Variants in MEGF9 observed in about 807,000 individuals in gnomAD.
MEGF9 encodes the protein multiple EGF like domains 9, also known as multiple epidermal growth factor-like domains protein 9.
In MEGF9, 6 loss-of-function variants were observed where a neutral mutation model predicts 46.8. That is an observed-to-expected ratio of 0.13 (90% CI 0.07 to 0.25). The LOEUF (loss-of-function observed/expected upper bound fraction) is 0.25. Ranked by LOEUF, MEGF9 falls within the 10% of genes least tolerant of loss-of-function variation. The probability of loss-of-function intolerance (pLI) is 1.00; values close to 1 mark genes in which losing one functional copy is unlikely to be tolerated. For missense variants in MEGF9, 683 were observed against 792.4 expected, an observed-to-expected ratio of 0.86 and a Z score of 1.66; for synonymous variants, 302 against 330.7, an observed-to-expected ratio of 0.91 and a Z score of 0.94.
intron 2 of MEGF9, among the ~76,000 whole-genome samples, chr9:120,634,693 C>A (rs943378281): frequency 6.6e-6 from 1 of 152,010 alleles, no homozygotes; most frequent in Admixed American, 6.6e-5. Context: ...CAGTCCATAT[C>A]TTTTAAGTGG....
At chr9:120,700,146 T>G (rs1249836446) in intron 1 of MEGF9, among the ~76,000 whole-genome samples, 3 of 152,234 alleles carry the variant, frequency 2.0e-5, no homozygotes, top group Admixed American at 6.5e-5. Flanking sequence ...CTTTGGTGAC[T>G]GGAAGTTTCA....
chr9:120,622,037 A>G (rs915815396), intron 3 of MEGF9, among the ~76,000 whole-genome samples: 1 of 152,190 alleles, frequency 6.6e-6, no homozygotes, highest in African/African-American at 2.4e-5. Flanking sequence ...TGAATGTCAT[A>G]GCAGGCCCTC....
At chr9:120,674,343 C>T (rs145252237) in intron 1 of MEGF9, among the ~76,000 whole-genome samples, 1 of 152,006 alleles carries the variant, frequency 6.6e-6, no homozygotes, top group Non-Finnish European at 1.5e-5. Context: ...AGAAACTTTA[C>T]CAAAGAAGAT....
intron 1 of MEGF9, among the ~76,000 whole-genome samples, chr9:120,712,651 C>A (rs1479335446): frequency 6.6e-6 from 1 of 152,138 alleles, no homozygotes. Flanking sequence ...AGGTTCATAA[C>A]CATGTGGGAA....
chr9:120,688,876 C>G (rs2132337037), intron 1 of MEGF9, among the ~76,000 whole-genome samples: 1 of 152,222 alleles, frequency 6.6e-6, no homozygotes, highest in Non-Finnish European at 1.5e-5. Context: ...GAAAAATATG[C>G]AGAGCACAAA....
intron 1 of MEGF9, among the ~76,000 whole-genome samples, chr9:120,676,827 G>C (rs1406190794): frequency 6.6e-6 from 1 of 152,046 alleles, no homozygotes; most frequent in Admixed American, 6.6e-5. Flanking sequence ...CATTTTACTT[G>C]CATGAATACT....
intron 2 of MEGF9, among the ~76,000 whole-genome samples, chr9:120,628,495 T>TTTAA: frequency 7.0e-6 from 1 of 142,756 alleles, no homozygotes; most frequent in South Asian, 2.2e-4. Flanking sequence ...TTTTTTTTTT[T>TTTAA]CAGAGACAGA....
intron 1 of MEGF9, among the ~76,000 whole-genome samples, chr9:120,681,832 G>A (rs78938853): frequency 1.7e-3 from 265 of 152,308 alleles, no homozygotes; most frequent in African/African-American, 6.0e-3. Flanking sequence ...AACTGAATTT[G>A]AATAACTTGA....
chr9:120,644,988 C>A (rs2043619367), intron 2 of MEGF9, among the ~76,000 whole-genome samples: 2 of 152,104 alleles, frequency 1.3e-5, no homozygotes, highest in East Asian at 3.8e-4. Context: ...AATTGCTTTG[C>A]CATTTGGGTA....
intron 3 of MEGF9, among the ~76,000 whole-genome samples, chr9:120,619,576 T>C (rs2043489239): frequency 6.6e-6 from 1 of 152,222 alleles, no homozygotes; most frequent in Non-Finnish European, 1.5e-5. Context: ...TCTGTGTTTT[T>C]AATAATATAC....
At chr9:120,647,128 C>T (rs770692073) in intron 2 of MEGF9, among the ~76,000 whole-genome samples, 6 of 151,106 alleles carry the variant, frequency 4.0e-5, no homozygotes, top group Non-Finnish European at 8.8e-5. Flanking sequence ...CAAAGGTCAC[C>T]GAGACCTGGA....
chr9:120,682,153 A>G (rs987056411), intron 1 of MEGF9, among the ~76,000 whole-genome samples: 9 of 152,216 alleles, frequency 5.9e-5, no homozygotes, highest in African/African-American at 2.2e-4. Flanking sequence ...AGATTGCAAA[A>G]ATTAAAAACT....
At chr9:120,616,896 T>A (rs1162407253) in intron 3 of MEGF9, among the ~76,000 whole-genome samples, 3 of 152,188 alleles carry the variant, frequency 2.0e-5, no homozygotes, top group Non-Finnish European at 4.4e-5. Context: ...ACATAATGTT[T>A]TCTCTTTATG....
At chr9:120,682,890 T>C (rs1187852655) in intron 1 of MEGF9, among the ~76,000 whole-genome samples, 2 of 152,150 alleles carry the variant, frequency 1.3e-5, no homozygotes, top group Non-Finnish European at 2.9e-5. Flanking sequence ...CCCTTACACA[T>C]AGTATTAAAT....
Position 120,681,104 on chromosome 9 carries a change from C to A in MEGF9, c.602-21529G>T, listed in dbSNP as rs1587993862. 1.3e-5 allele frequency among the ~76,000 whole-genome samples: 2 copies of A among 152,144 alleles called. 1 individual carries two copies. Among genetic ancestry groups the A allele is most frequent in the East Asian group, 3.9e-4 (2 of 5,178 alleles). On this transcript the variant is annotated intron_variant, in intron 1 of 5. Transcript: ENST00000373930. ...TCTGCTTTTCTCAAACAGAAGGAGT[C>A]TTTCACCATAGCCACCACAGCTGGG...
intron 1 of MEGF9, among the ~76,000 whole-genome samples, chr9:120,671,697 A>T (rs1003780589): frequency 6.6e-6 from 1 of 152,244 alleles, no homozygotes; most frequent in African/African-American, 2.4e-5. Flanking sequence ...ATAAGAAATA[A>T]CATCAATTCT....
chr9:120,687,090 G>C (rs1173656347), intron 1 of MEGF9, among the ~76,000 whole-genome samples: 1 of 152,142 alleles, frequency 6.6e-6, no homozygotes, highest in Non-Finnish European at 1.5e-5. Flanking sequence ...ATTTTAAGGA[G>C]AGAATGGTTA....
At chr9:120,661,888 C>G (rs116615717) in intron 1 of MEGF9, among the ~76,000 whole-genome samples, 2 of 152,164 alleles carry the variant, frequency 1.3e-5, no homozygotes, top group African/African-American at 2.4e-5. Flanking sequence ...CTTCTGAAAT[C>G]GGGCAGAAAT....
chr9:120,692,378 A>C (rs900603858), intron 1 of MEGF9, among the ~76,000 whole-genome samples: 2 of 152,202 alleles, frequency 1.3e-5, no homozygotes, highest in African/African-American at 4.8e-5. Flanking sequence ...TAATTCATAA[A>C]CCCTCTATTA....
Sources: allele counts gnomAD v4.1 joint callset (sites outside exome capture counted in the v4.1 genomes callset), GRCh38; gene constraint gnomAD v4.1.1; transcripts MANE v1.5; gene names NCBI Gene and HGNC (gene_info 2026-07-23, HGNC 2026-07-21).